Variants in ACBD6 observed in about 807,000 individuals in gnomAD.
ACBD6 encodes the protein acyl-CoA binding domain containing 6.
Under a neutral mutation model 37.2 loss-of-function variants are expected in ACBD6, and 28 were observed. The ratio of observed to expected loss-of-function variants is 0.75; its 90% CI spans 0.56 to 1.03. ACBD6 has a LOEUF of 1.03. Among genes scored for constraint, ACBD6 ranks in the 50% least tolerant of loss-of-function variants. The probability of loss-of-function intolerance (pLI) is 0.00; values close to 1 mark genes in which losing one functional copy is unlikely to be tolerated. For synonymous variants in ACBD6, 113 were observed against 126.8 expected, an observed-to-expected ratio of 0.89 and a Z score of 0.73; for missense variants, 340 against 337.4, an observed-to-expected ratio of 1.01 and a Z score of -0.06.
At chr1:180,404,889 T>C (rs1327495448) in intron 5 of ACBD6, among the ~76,000 whole-genome samples, 4 of 152,230 alleles carry the variant, frequency 2.6e-5, no homozygotes, top group Non-Finnish European at 5.9e-5. Context: ...TTAAGCTACT[T>C]TCACTATTTT....
chr1:180,284,006 A>T (rs188446370), downstream of ACBD6, among the ~76,000 whole-genome samples: 2 of 152,324 alleles, frequency 1.3e-5, no homozygotes, highest in East Asian at 3.9e-4. Flanking sequence ...TGAATTCCCA[A>T]TAACTATACA....
At chr1:180,353,232 C>T (rs1333039287) in intron 6 of ACBD6, among the ~76,000 whole-genome samples, 1 of 152,132 alleles carries the variant, frequency 6.6e-6, no homozygotes, top group Non-Finnish European at 1.5e-5. Flanking sequence ...ATAAATTTGG[C>T]TGACTTAGGA....
chr1:180,447,619 T>A (rs536807396), intron 3 of ACBD6, among the ~76,000 whole-genome samples: 2 of 152,304 alleles, frequency 1.3e-5, no homozygotes, highest in African/African-American at 4.8e-5. Flanking sequence ...TACCTTCAGG[T>A]TATTATGACT....
chr1:180,369,248 T>C (rs571466600), intron 6 of ACBD6, among the ~76,000 whole-genome samples: 1 of 152,306 alleles, frequency 6.6e-6, no homozygotes, highest in South Asian at 2.1e-4. Context: ...GACGTGAGTA[T>C]AGACATTTCA....
intron 7 of ACBD6, among the ~76,000 whole-genome samples, chr1:180,306,844 G>C (rs1650401469): frequency 6.6e-6 from 1 of 152,146 alleles, no homozygotes; most frequent in Non-Finnish European, 1.5e-5. Context: ...TTATCCAAAA[G>C]ACAACCAATA....
chr1:180,349,962 T>C (rs193157402), intron 6 of ACBD6, among the ~76,000 whole-genome samples: 1 of 151,990 alleles, frequency 6.6e-6, no homozygotes, highest in African/African-American at 2.4e-5. Context: ...AATTTTGATG[T>C]AATCAACCAG....
chr1:180,313,693 C>T (rs186058301), intron 7 of ACBD6, among the ~76,000 whole-genome samples: 473 of 152,264 alleles, frequency 3.1e-3, no homozygotes, highest in African/African-American at 0.011. Context: ...GCCATATTCA[C>T]ACCCAAATAG....
At chr1:180,475,383 TTTTA>T (rs1369955424) in intron 3 of ACBD6, among the ~76,000 whole-genome samples, 1 of 152,142 alleles carries the variant, frequency 6.6e-6, no homozygotes, top group African/African-American at 2.4e-5. Flanking sequence ...TTTTCTAGAA[TTTTA>T]TTTATTTATT....
At chr1:180,323,578 C>A (rs1191466878) in intron 6 of ACBD6, among the ~76,000 whole-genome samples, 1 of 151,990 alleles carries the variant, frequency 6.6e-6, no homozygotes, top group Non-Finnish European at 1.5e-5. Context: ...TATCTGGGTG[C>A]TTCAGTGTTG....
At chr1:180,372,775 A>C (rs1278502575) in intron 6 of ACBD6, among the ~76,000 whole-genome samples, 1 of 152,184 alleles carries the variant, frequency 6.6e-6, no homozygotes, top group Non-Finnish European at 1.5e-5. Flanking sequence ...CTTCTTTCCA[A>C]GTGTCATGGG....
rs568832883 is a variant in ACBD6, at chr1:180,303,583, A to G, written c.694+11109T>C. On this transcript the variant is annotated intron_variant, in intron 7 of 7. Coordinates refer to ENST00000367595, the MANE Select transcript of ACBD6 (RefSeq NM_032360.4). ...AGAAGTTGAATCTCTGAAGAGATCAATAATAGGATCTGAAATTGAGGCAAA... is the reference window on the plus strand; with the variant it reads ...AGAAGTTGAATCTCTGAAGAGATCAGTAATAGGATCTGAAATTGAGGCAAA... Among the ~76,000 whole-genome samples the G allele has an allele frequency of 2.6e-5, 4 of 151,064 alleles. No individual in the cohort carries two copies. In the South Asian group the frequency reaches 8.4e-4, roughly 32 times the overall value.
intron 7 of ACBD6, among the ~76,000 whole-genome samples, chr1:180,304,620 A>G (rs374501926): frequency 2.6e-5 from 4 of 150,946 alleles, no homozygotes; most frequent in African/African-American, 9.7e-5. Context: ...AAACAAATGG[A>G]AGAACATTCC....
At position 180,443,607 on chromosome 1, in the gene ACBD6, G is replaced by C. The variant is rs898688483; in HGVS notation, c.385-13345C>G. Among the ~76,000 whole-genome samples the C allele has an allele frequency of 9.2e-5, 14 of 151,524 alleles. No homozygotes were observed. The East Asian group carries it at 1.6e-3, about 17-fold the overall frequency. ...GGGACGCACCTGCAAGGCACAGCTTGTTTTTTTTGTTTTGTTTTGTTTTTA... is the reference window on the plus strand; with the variant it reads ...GGGACGCACCTGCAAGGCACAGCTTCTTTTTTTTGTTTTGTTTTGTTTTTA... On this transcript the variant is annotated intron_variant, in intron 3 of 7. Coordinates refer to ENST00000367595, the MANE Select transcript of ACBD6 (RefSeq NM_032360.4).
intron 3 of ACBD6, among the ~76,000 whole-genome samples, chr1:180,485,566 C>T (rs1023940591): frequency 6.6e-6 from 1 of 152,164 alleles, no homozygotes; most frequent in African/African-American, 2.4e-5. Context: ...CCTGGGGCCA[C>T]CATAAGCTGG....
chr1:180,471,972 A>T (rs908550689), intron 3 of ACBD6, among the ~76,000 whole-genome samples: 3 of 152,234 alleles, frequency 2.0e-5, no homozygotes, highest in Non-Finnish European at 2.9e-5. Context: ...TTTCCTCAAA[A>T]ATCTCTCTCC....
At chr1:180,405,416 A>C (rs1166956170) in intron 5 of ACBD6, among the ~76,000 whole-genome samples, 5 of 152,218 alleles carry the variant, frequency 3.3e-5, no homozygotes, top group African/African-American at 1.2e-4. Context: ...TACTGTCAAA[A>C]GGACAGAAAA....
intron 4 of ACBD6, among the ~76,000 whole-genome samples, chr1:180,427,308 T>A (rs1006867999): frequency 5.3e-5 from 8 of 152,354 alleles, no homozygotes; most frequent in South Asian, 4.1e-4. Context: ...TGTCCTTTTT[T>A]AAAAATAACA....
At chr1:180,480,049 T>A (rs1200129499) in intron 3 of ACBD6, among the ~76,000 whole-genome samples, 1 of 152,010 alleles carries the variant, frequency 6.6e-6, no homozygotes, top group Non-Finnish European at 1.5e-5. Flanking sequence ...AGTACTGGAA[T>A]CTAAAATAAA....
chr1:180,302,543 G>C (rs1309566448), intron 7 of ACBD6, among the ~76,000 whole-genome samples: 1 of 151,972 alleles, frequency 6.6e-6, no homozygotes, highest in Non-Finnish European at 1.5e-5. Flanking sequence ...TGCAACCCCT[G>C]TCTTTTTTTG....
Sources: allele counts gnomAD v4.1 joint callset (sites outside exome capture counted in the v4.1 genomes callset), GRCh38; gene constraint gnomAD v4.1.1; transcripts MANE v1.5; gene names NCBI Gene and HGNC (gene_info 2026-07-23, HGNC 2026-07-21).